Variants in PTH2R observed in about 807,000 individuals in gnomAD.
PTH2R encodes parathyroid hormone 2 receptor, also known as PTH2 receptor.
Under a neutral mutation model 60.3 loss-of-function variants are expected in PTH2R, and 59 were observed. The observed-to-expected ratio is 0.98, with a 90% CI of 0.79 to 1.22. PTH2R has a LOEUF of 1.22. Among genes scored for constraint, PTH2R ranks in the 50% most tolerant of loss-of-function variants. PTH2R has a pLI of 0.00. For synonymous variants in PTH2R, 256 were observed against 243.8 expected (o/e 1.05, Z -0.47); for missense variants, 749 against 682.6 (o/e 1.10, Z -1.08).
intron 1 of PTH2R, among the ~76,000 whole-genome samples, chr2:208,397,294 T>C (rs1376792212): frequency 6.6e-6 from 1 of 151,620 alleles, no homozygotes; most frequent in Non-Finnish European, 1.5e-5. Flanking sequence ...CCCTAGAATT[T>C]AAAGTATAAT....
chr2:208,431,508 A>T (rs989175823), intron 2 of PTH2R, among the ~76,000 whole-genome samples: 1 of 152,256 alleles, frequency 6.6e-6, no homozygotes, highest in African/African-American at 2.4e-5. Context: ...TGCCTAGATG[A>T]ATTATTGACC....
At chr2:208,428,685 T>C (rs989001935) in intron 2 of PTH2R, among the ~76,000 whole-genome samples, 4 of 152,184 alleles carry the variant, frequency 2.6e-5, no homozygotes, top group Non-Finnish European at 4.4e-5. Context: ...AAATATGCAG[T>C]TCAAAATCTA....
intron 1 of PTH2R, among the ~76,000 whole-genome samples, chr2:208,408,535 A>G (rs918890640): frequency 4.0e-5 from 5 of 124,056 alleles, no homozygotes; most frequent in African/African-American, 1.5e-4. Context: ...GTACAATAAG[A>G]AAAAAAAAAG....
intron 10 of PTH2R, 63 bp downstream of exon 10, chr2:208,481,227 T>A (rs1470624556): frequency 1.6e-6 from 2 of 1,250,028 alleles, no homozygotes; most frequent in Non-Finnish European, 1.1e-6. Flanking sequence ...TCCTTTTTTT[T>A]TTTTTTTTTG....
At chr2:208,405,741 C>T (rs1351331126), upstream of PTH2R, among the ~76,000 whole-genome samples, 1 of 152,100 alleles carries the variant, frequency 6.6e-6, no homozygotes, top group Non-Finnish European at 1.5e-5. Flanking sequence ...AAGTTCTAGT[C>T]CTTAAGGTGA....
intron 12 of PTH2R, among the ~76,000 whole-genome samples, chr2:208,491,865 G>A (rs1172568600): frequency 6.6e-6 from 1 of 152,100 alleles, no homozygotes; most frequent in Non-Finnish European, 1.5e-5. Context: ...TGCTCTTTCT[G>A]GCTGCTTGTT....
At chr2:208,493,228 G>C in intron 12 of PTH2R, 36 bp from the exon 13 acceptor site, 1 of 1,459,460 alleles carries the variant, frequency 6.9e-7, no homozygotes, top group Non-Finnish European at 9.1e-7. Context: ...GTCTCCTTTA[G>C]GATTTCTCAT....
rs1701722887 is a variant in PTH2R, at chr2:208,420,070, G to C, written c.76-8131G>C. 5.9e-5 allele frequency among the ~76,000 whole-genome samples: 9 copies of C among 151,968 alleles called. No individual in the cohort carries two copies. The South Asian group carries it at 1.9e-3, about 32-fold the overall frequency. On this transcript the variant is annotated intron_variant, in intron 1 of 12. Coordinates refer to ENST00000272847, the MANE Select transcript of PTH2R (RefSeq NM_005048.4). The stretch of plus-strand genomic sequence containing the variant: ...AAACACCGCATGTTCTCACTTATAG[G>C]TGGGAATTGAACAATGAGAACACAT...
chr2:208,405,552 C>T (rs1701386182), upstream of PTH2R, among the ~76,000 whole-genome samples: 1 of 152,166 alleles, frequency 6.6e-6, no homozygotes, highest in African/African-American at 2.4e-5. Flanking sequence ...CATTCACAGA[C>T]TATGATCACA....
At chr2:208,463,610 C>A (rs928539417) in intron 9 of PTH2R, among the ~76,000 whole-genome samples, 1 of 152,146 alleles carries the variant, frequency 6.6e-6, no homozygotes, top group Non-Finnish European at 1.5e-5. Context: ...ACAGTGGCTG[C>A]CACACAGCGC....
intron 1 of PTH2R, among the ~76,000 whole-genome samples, chr2:208,415,736 C>T (rs1166380476): frequency 6.6e-6 from 1 of 152,016 alleles, no homozygotes; most frequent in Non-Finnish European, 1.5e-5. Context: ...GCACAGCATT[C>T]AGTCAGAAAA....
At position 208,428,214 on chromosome 2, in the gene PTH2R, G is replaced by A; in HGVS notation, c.89G>A (p.Gly30Asp). The change falls in exon 2 of 13, where the codon GGC (glycine) becomes GAC (aspartate). Residue 30 changes from glycine (G) to aspartate (D), a missense_variant. Gly to Asp is a moderately conservative substitution (Grantham distance 94). Transcript: ENST00000272847. Reference sequence around the variant, plus strand: ...TCACTTCTACAGCTGGATTCTGATGGCACCATTACTATAGAGGAGCAGATT... The same window carrying A: ...TCACTTCTACAGCTGGATTCTGATGACACCATTACTATAGAGGAGCAGATT... ...LLARAQLDSD[G>D]TITIEEQIVL... 6.2e-7 allele frequency: 1 copy of A among 1,611,230 alleles called. No individual in the cohort carries two copies. Among genetic ancestry groups the A allele is most frequent in the Middle Eastern group, 1.7e-4 (1 of 6,054 alleles).
At chr2:208,467,747 A>C (rs755798153) in intron 9 of PTH2R, among the ~76,000 whole-genome samples, 1 of 152,138 alleles carries the variant, frequency 6.6e-6, no homozygotes, top group Non-Finnish European at 1.5e-5. Flanking sequence ...CAGGGATGCT[A>C]TCTCTCTTGA....
intron 1 of PTH2R, among the ~76,000 whole-genome samples, chr2:208,392,807 C>T (rs944307850): frequency 7.9e-5 from 12 of 152,144 alleles, no homozygotes; most frequent in African/African-American, 1.9e-4. Context: ...CAGAATCACC[C>T]GGGGCTCTTG....
intron 1 of PTH2R, among the ~76,000 whole-genome samples, chr2:208,401,727 C>T (rs1347930826): frequency 6.6e-6 from 1 of 152,156 alleles, no homozygotes; most frequent in East Asian, 1.9e-4. Context: ...CACAGCCCTT[C>T]TTCACGCTCA....
intron 7 of PTH2R, among the ~76,000 whole-genome samples, chr2:208,449,967 A>C (rs1440535907): frequency 1.3e-5 from 2 of 152,156 alleles, no homozygotes; most frequent in African/African-American, 4.8e-5. Flanking sequence ...TCATCTCTTA[A>C]GTCTTTCAGT....
intron 2 of PTH2R, among the ~76,000 whole-genome samples, chr2:208,432,251 G>A (rs915313417): frequency 1.3e-5 from 2 of 152,156 alleles, no homozygotes; most frequent in African/African-American, 4.8e-5. Context: ...ATATTATTAT[G>A]TGCCCAGAGT....
At chr2:208,453,766 A>C (rs189729411) in intron 8 of PTH2R, among the ~76,000 whole-genome samples, 1 of 152,338 alleles carries the variant, frequency 6.6e-6, no homozygotes, top group Admixed American at 6.5e-5. Flanking sequence ...CTGTGAGATG[A>C]GAATAATATT....
intron 10 of PTH2R, among the ~76,000 whole-genome samples, chr2:208,482,957 G>A (rs368686850): frequency 6.6e-5 from 10 of 152,152 alleles, no homozygotes; most frequent in East Asian, 3.8e-4. Flanking sequence ...AGCACATCAC[G>A]TGCTGTTGGC....
Sources: gnomAD v4.1 joint callset for allele counts (sites outside exome capture counted in the v4.1 genomes callset) on GRCh38, gnomAD v4.1.1 for gene constraint, MANE v1.5 for transcripts, NCBI Gene and HGNC (gene_info 2026-07-23, HGNC 2026-07-21) for gene names.